Variants in DLGAP1 observed in about 807,000 individuals in gnomAD.
DLGAP1 encodes disks large-associated protein 1.
Under a neutral mutation model 90.8 loss-of-function variants are expected in DLGAP1, and 11 were observed. That is an observed-to-expected ratio of 0.12 (90% CI 0.08 to 0.20). The LOEUF (loss-of-function observed/expected upper bound fraction) is 0.20, where lower values mean the gene tolerates loss of function less well. Among genes scored for constraint, DLGAP1 ranks in the 10% least tolerant of loss-of-function variants. The pLI is 1.00. For missense variants in DLGAP1, 1,050 were observed against 1,333.8 expected (o/e 0.79, Z 3.31); for synonymous variants, 558 against 540.7 (o/e 1.03, Z -0.44).
In DLGAP1 at chr18:3,562,072, T is replaced by C. The variant is rs139847399; in HGVS notation, c.2057+5418A>G. Among the ~76,000 whole-genome samples, 117 of 143,186 alleles carry C rather than the reference T, an allele frequency of 8.2e-4. 5 individuals carry two copies. The highest frequency in any genetic ancestry group is 3.1e-3 in the African/African-American group (103 of 33,720). The allele number at this position is 143,186 out of a possible 152,430, so 93.9% of individuals were successfully genotyped here. A position where few individuals can be genotyped will look rare whatever the true frequency, so the allele number is the denominator to read the frequency against. ...TGAAACCCTGTCTCTACTAAAAATA[T>C]AAAAATTAGCAAGGCGTGGTGGCGG... On this transcript the variant is annotated intron_variant, in intron 9 of 12. Transcript: ENST00000315677.
At chr18:3,669,021 G>T (rs1275420945) in intron 7 of DLGAP1, among the ~76,000 whole-genome samples, 3 of 151,718 alleles carry the variant, frequency 2.0e-5, no homozygotes, top group African/African-American at 7.2e-5. Flanking sequence ...GCAATAGAAT[G>T]ATCTACATAA....
chr18:3,626,443 A>C (rs1392996309), intron 7 of DLGAP1, among the ~76,000 whole-genome samples: 1 of 151,642 alleles, frequency 6.6e-6, no homozygotes, highest in Non-Finnish European at 1.5e-5. Flanking sequence ...AAAATACAAA[A>C]ATTAGCTGGG....
chr18:4,179,074 G>A (rs1441120446), intron 1 of DLGAP1, among the ~76,000 whole-genome samples: 1 of 152,188 alleles, frequency 6.6e-6, no homozygotes, highest in Non-Finnish European at 1.5e-5. Context: ...AGCAATTTGT[G>A]TAAAGGTAGC....
rs142126144 is a variant in DLGAP1, at chr18:4,390,437, A to T, written c.-267+64569T>A. 2.4e-4 allele frequency among the ~76,000 whole-genome samples: 37 copies of T among 152,162 alleles called. No homozygotes were observed. The East Asian group carries it at 7.1e-3, about 29-fold the overall frequency. ...GGTGTTGCACATTCTACGAGCTTTGAAAAATGTATAATGACATGTGTCCAC... is the reference window on the plus strand; with the variant it reads ...GGTGTTGCACATTCTACGAGCTTTGTAAAATGTATAATGACATGTGTCCAC... On this transcript the variant is annotated intron_variant, in intron 1 of 12. Transcript: ENST00000315677.
chr18:4,432,590 G>GTGTGCGTGTGTA (rs1555618001), intron 1 of DLGAP1, among the ~76,000 whole-genome samples: 10 of 37,798 alleles, frequency 2.6e-4, no homozygotes, highest in Non-Finnish European at 6.4e-4. Flanking sequence ...ACCTCACATA[G>GTGTGCGTGTGTA]TGTGTGTGTG....
At chr18:3,583,184 A>ACCTACCTACCTTCCTTCCTTCCTTCCTT (rs1555688608) in intron 7 of DLGAP1, among the ~76,000 whole-genome samples, 1 of 127,704 alleles carries the variant, frequency 7.8e-6, no homozygotes, top group African/African-American at 3.2e-5. Flanking sequence ...CTACCTACCT[A>ACCTACCTACCTTCCTTCCTTCCTTCCTT]CCTTCCTTCC....
chr18:3,899,198 G>C (rs146420781), intron 3 of DLGAP1, among the ~76,000 whole-genome samples: 2 of 152,316 alleles, frequency 1.3e-5, no homozygotes, highest in African/African-American at 4.8e-5. Context: ...TGGGCAGTCT[G>C]CATTGACAGG....
chr18:3,909,538 C>T (rs1325424864), intron 3 of DLGAP1, among the ~76,000 whole-genome samples: 3 of 152,062 alleles, frequency 2.0e-5, no homozygotes, highest in South Asian at 4.2e-4. Flanking sequence ...TCTTTTCTTG[C>T]TTTTGATTTT....
chr18:4,135,592 C>T (rs1246229136), intron 2 of DLGAP1, among the ~76,000 whole-genome samples: 1 of 152,058 alleles, frequency 6.6e-6, no homozygotes, highest in Non-Finnish European at 1.5e-5. Flanking sequence ...TATCTCTCAT[C>T]CTCCACTCCC....
chr18:4,427,479 G>A (rs563151522), intron 1 of DLGAP1, among the ~76,000 whole-genome samples: 6 of 152,300 alleles, frequency 3.9e-5, no homozygotes, highest in African/African-American at 1.2e-4. Flanking sequence ...ATGCAACGAA[G>A]GAACCTTAGA....
At chr18:4,011,555 GT>G (rs2074422555) in intron 2 of DLGAP1, among the ~76,000 whole-genome samples, 1 of 151,536 alleles carries the variant, frequency 6.6e-6, no homozygotes, top group Non-Finnish European at 1.5e-5. Flanking sequence ...GGTGGCTCAT[GT>G]CTGTAATCCC....
intron 1 of DLGAP1, among the ~76,000 whole-genome samples, chr18:4,292,655 C>T (rs2079880535): frequency 6.6e-6 from 1 of 152,042 alleles, no homozygotes; most frequent in Non-Finnish European, 1.5e-5. Flanking sequence ...CAATATATTT[C>T]CAGGAATGTG....
At chr18:3,779,032 G>A (rs1399456980) in intron 5 of DLGAP1, among the ~76,000 whole-genome samples, 2 of 152,116 alleles carry the variant, frequency 1.3e-5, no homozygotes, top group Admixed American at 6.5e-5. Context: ...CAGGCCCAAA[G>A]ACCACCGTTC....
rs1054191280 is a variant in DLGAP1, at chr18:4,243,819, C to CT, written c.-266-92533dup. 1.2e-4 allele frequency among the ~76,000 whole-genome samples: 18 copies of CT among 152,006 alleles called. No homozygotes were observed. The South Asian group carries it at 2.5e-3, about 21-fold the overall frequency. On this transcript the variant is annotated intron_variant, in intron 1 of 12. Coordinates refer to ENST00000315677, the MANE Select transcript of DLGAP1 (RefSeq NM_004746.4). ...TTGGAAAAAAATGAAACCCGCTTAT[C>CT]TTTTTTTTACCCTACACTGTGGCTG...
In DLGAP1 at chr18:3,660,317, T is replaced by C. The variant is rs1339846015; in HGVS notation, c.1591+68818A>G. 6.6e-6 allele frequency among the ~76,000 whole-genome samples: 1 copy of C among 152,234 alleles called. No homozygotes were observed. The highest frequency in any genetic ancestry group is 1.5e-5 in the Non-Finnish European group (1 of 68,050). ...TGTCACCACAACTGGCTTTCTTTTA[T>C]TTTTTAAAAATAGCACTTTTCACTG... On this transcript the variant is annotated intron_variant, in intron 7 of 12. Coordinates refer to ENST00000315677, the MANE Select transcript of DLGAP1 (RefSeq NM_004746.4). This position sits in a 1 kb window ranked among gnomAD's most constrained non-coding sequence, Gnocchi z 4.2.
chr18:4,395,356 C>G (rs1336991824), intron 1 of DLGAP1, among the ~76,000 whole-genome samples: 1 of 149,312 alleles, frequency 6.7e-6, no homozygotes, highest in Non-Finnish European at 1.5e-5. Context: ...CAAAAAAAAT[C>G]AAGATAAACT....
At chr18:3,982,018 C>T (rs2073742033) in intron 3 of DLGAP1, among the ~76,000 whole-genome samples, 1 of 151,008 alleles carries the variant, frequency 6.6e-6, no homozygotes, top group Non-Finnish European at 1.5e-5. Flanking sequence ...AATGCATTTT[C>T]TAATAAAAAA....
At chr18:3,652,030 GGC>G (rs1222504464) in intron 7 of DLGAP1, among the ~76,000 whole-genome samples, 1 of 151,780 alleles carries the variant, frequency 6.6e-6, no homozygotes, top group Non-Finnish European at 1.5e-5. Flanking sequence ...CGGGCGTGGT[GGC>G]GCGCGCCTGT....
chr18:3,750,365 A>G (rs1406512854), intron 5 of DLGAP1, among the ~76,000 whole-genome samples: 2 of 152,204 alleles, frequency 1.3e-5, no homozygotes, highest in Non-Finnish European at 2.9e-5. Flanking sequence ...TATCCAGCCC[A>G]CTGCTGATAG....
Sources: allele counts gnomAD v4.1 joint callset (sites outside exome capture counted in the v4.1 genomes callset), GRCh38; gene constraint gnomAD v4.1.1; non-coding constraint Gnocchi (gnomAD v3.1); transcripts MANE v1.5; gene names NCBI Gene and HGNC (gene_info 2026-07-23, HGNC 2026-07-21).